BMP6: variants seen among roughly 807,000 people sequenced by gnomAD.
The protein encoded by BMP6 is bone morphogenetic protein 6.
Under a neutral mutation model 54.1 loss-of-function variants are expected in BMP6, and 17 were observed. The ratio of observed to expected loss-of-function variants is 0.31; its 90% CI spans 0.22 to 0.47. The LOEUF (loss-of-function observed/expected upper bound fraction) is 0.47, where lower values mean the gene tolerates loss of function less well. Ranked by LOEUF, BMP6 falls within the 20% of genes least tolerant of loss-of-function variation. The probability of loss-of-function intolerance (pLI) is 1.00; values close to 1 mark genes in which losing one functional copy is unlikely to be tolerated. For synonymous variants in BMP6, 328 were observed against 291.2 expected, an observed-to-expected ratio of 1.13 and a Z score of -1.28; for missense variants, 720 against 690.4, an observed-to-expected ratio of 1.04 and a Z score of -0.48.
At chr6:7,813,105 AAAAATATATATATAT>A (rs1758459560) in intron 1 of BMP6, among the ~76,000 whole-genome samples, 1 of 49,464 alleles carries the variant, frequency 2.0e-5, no homozygotes, top group Non-Finnish European at 3.5e-5. Flanking sequence ...AAAAAAAAAA[AAAAATATATATATAT>A]ATATATATAT....
At chr6:7,817,524 T>G (rs945218626) in intron 1 of BMP6, among the ~76,000 whole-genome samples, 11 of 126,688 alleles carry the variant, frequency 8.7e-5, no homozygotes, top group African/African-American at 3.3e-4. Context: ...AATTGAACAA[T>G]GAGAACACTT....
intron 1 of BMP6, among the ~76,000 whole-genome samples, chr6:7,843,103 T>C (rs1217680005): frequency 6.6e-6 from 1 of 152,218 alleles, no homozygotes; most frequent in African/African-American, 2.4e-5. Flanking sequence ...GTGGGTGTCC[T>C]TGAGTGAACT....
At chr6:7,856,595 ATTTT>A (rs70982115) in intron 2 of BMP6, among the ~76,000 whole-genome samples, 10 of 83,048 alleles carry the variant, frequency 1.2e-4, no homozygotes, top group East Asian at 1.4e-3. Flanking sequence ...TATCAAGAGC[ATTTT>A]TTTTTTTTTT....
chr6:7,813,723 A>G (rs1035354049), intron 1 of BMP6, among the ~76,000 whole-genome samples: 8 of 151,310 alleles, frequency 5.3e-5, no homozygotes, highest in East Asian at 1.9e-4. Context: ...TAGATACTCC[A>G]TAGCATCTCC....
chr6:7,798,717 C>T (rs1040007133), intron 1 of BMP6, among the ~76,000 whole-genome samples: 7 of 152,188 alleles, frequency 4.6e-5, no homozygotes, highest in Non-Finnish European at 1.0e-4. Context: ...CAGACCTCCA[C>T]CTGTTGAGAA....
chr6:7,743,022 A>G (rs1421874173), intron 1 of BMP6, among the ~76,000 whole-genome samples: 2 of 152,188 alleles, frequency 1.3e-5, no homozygotes, highest in African/African-American at 4.8e-5. Flanking sequence ...AGGGAGAGAG[A>G]GAGATGGCTT....
At chr6:7,777,883 C>T (rs955621425) in intron 1 of BMP6, among the ~76,000 whole-genome samples, 32 of 151,966 alleles carry the variant, frequency 2.1e-4, no homozygotes, top group African/African-American at 6.5e-4. Context: ...AGCCCCCGTC[C>T]GGGACACCAC....
intron 4 of BMP6, 37 bp from the exon 5 acceptor site, chr6:7,879,037 T>C (rs770040611): frequency 1.4e-5 from 23 of 1,586,802 alleles, no homozygotes; most frequent in African/African-American, 2.7e-5. Context: ...GATGGGTGCA[T>C]CTTTTGATGG....
intron 2 of BMP6, among the ~76,000 whole-genome samples, chr6:7,850,000 C>T (rs1320895258): frequency 6.6e-6 from 1 of 152,140 alleles, no homozygotes; most frequent in Non-Finnish European, 1.5e-5. Context: ...TAGAAATAGG[C>T]AAGGATGTTT....
At position 7,727,140 on chromosome 6, in the gene BMP6, C is replaced by T. The variant is rs1331168389; in HGVS notation, c.185C>T (p.Ser62Phe). The T allele has an allele frequency of 2.6e-6, 4 of 1,562,916 alleles. No individual in the cohort carries two copies. The highest frequency in any genetic ancestry group is 3.8e-5 in the Admixed American group (2 of 53,182). The change falls in exon 1 of 7, where the codon TCC becomes TTC. Residue 62 changes from serine to phenylalanine, a missense_variant. This residue lies in a region of BMP6 where 650 missense variants were observed against 556.3 expected (regional missense o/e 1.17). Transcript: ENST00000283147. ...RTEQPPPSPQSSSGFLYRRLK... is the reference protein window; with the variant it reads ...RTEQPPPSPQFSSGFLYRRLK... Reference sequence around the variant, plus strand: ...GAGCAGCCGCCGCCGTCGCCGCAGTCCTCCTCGGGCTTCCTGTACCGGCGG... The same window carrying T: ...GAGCAGCCGCCGCCGTCGCCGCAGTTCTCCTCGGGCTTCCTGTACCGGCGG...
At chr6:7,801,663 C>G (rs557132026) in intron 1 of BMP6, among the ~76,000 whole-genome samples, 2 of 152,206 alleles carry the variant, frequency 1.3e-5, no homozygotes, top group Non-Finnish European at 2.9e-5. Context: ...ACTTTTCCCT[C>G]CCAGTCTGGG....
intron 1 of BMP6, among the ~76,000 whole-genome samples, chr6:7,802,801 C>A (rs1452684139): frequency 3.3e-5 from 5 of 152,178 alleles, no homozygotes; most frequent in South Asian, 2.1e-4. Flanking sequence ...AGGCAATTGC[C>A]TTCTTTCCAG....
In BMP6 at chr6:7,803,996, C is replaced by T. The variant is rs147615825; in HGVS notation, c.665-41144C>T. The stretch of plus-strand genomic sequence containing the variant: ...AGCACATGGTCCCCCTTTCAGTATC[C>T]CAAGGTAAGCACACTTTTTGACATG... On this transcript the variant is annotated intron_variant, in intron 1 of 6. Coordinates refer to ENST00000283147, the MANE Select transcript of BMP6 (RefSeq NM_001718.6). Among the ~76,000 whole-genome samples, 1,082 of 152,240 alleles carry T rather than the reference C, an allele frequency of 7.1e-3. 12 individuals carry two copies. The highest frequency in any genetic ancestry group is 0.025 in the African/African-American group (1,030 of 41,528).
intron 1 of BMP6, among the ~76,000 whole-genome samples, chr6:7,832,676 A>C (rs1480933740): frequency 2.0e-5 from 3 of 150,960 alleles, no homozygotes; most frequent in African/African-American, 7.3e-5. Context: ...TTTGCACCAA[A>C]GCATTAATAA....
At chr6:7,765,554 C>T (rs545324933) in intron 1 of BMP6, among the ~76,000 whole-genome samples, 1 of 152,344 alleles carries the variant, frequency 6.6e-6, no homozygotes, top group South Asian at 2.1e-4. Context: ...GCCATGTCAG[C>T]AGCATCATCT....
intron 1 of BMP6, among the ~76,000 whole-genome samples, chr6:7,750,250 G>T (rs925499243): frequency 2.0e-5 from 3 of 152,194 alleles, no homozygotes; most frequent in Non-Finnish European, 4.4e-5. Context: ...AGGTGCCAAG[G>T]ATCCTGAAAT....
At chr6:7,836,633 C>T (rs1055639198) in intron 1 of BMP6, among the ~76,000 whole-genome samples, 2 of 152,010 alleles carry the variant, frequency 1.3e-5, no homozygotes, top group African/African-American at 4.8e-5. Context: ...TAATTATTTA[C>T]AACACAAAAT....
chr6:7,859,098 C>G (rs1322353725), intron 2 of BMP6, among the ~76,000 whole-genome samples: 1 of 152,124 alleles, frequency 6.6e-6, no homozygotes, highest in Non-Finnish European at 1.5e-5. Context: ...GGGTAATCCT[C>G]ATCTTCCGCC....
chr6:7,846,030 A>T (rs961973382), intron 2 of BMP6, among the ~76,000 whole-genome samples: 11 of 152,164 alleles, frequency 7.2e-5, no homozygotes, highest in South Asian at 2.1e-4. Context: ...ACAGAAGCCA[A>T]TGACCTCGAA....
Sources: allele counts gnomAD v4.1 joint callset (sites outside exome capture counted in the v4.1 genomes callset), GRCh38; gene constraint gnomAD v4.1.1; regional missense constraint gnomAD v4.1.1; transcripts MANE v1.5; gene names NCBI Gene and HGNC (gene_info 2026-07-23, HGNC 2026-07-21).